NCKAP1: variants seen among roughly 807,000 people sequenced by gnomAD.
The protein encoded by NCKAP1 is nck-associated protein 1.
A neutral mutation model predicts 151.2 loss-of-function variants in NCKAP1; 21 were observed. The ratio of observed to expected loss-of-function variants is 0.14; its 90% CI spans 0.10 to 0.20. The LOEUF (loss-of-function observed/expected upper bound fraction) is 0.20. Among genes scored for constraint, NCKAP1 ranks in the 10% least tolerant of loss-of-function variants. NCKAP1 has a pLI of 1.00. For missense variants in NCKAP1, 933 were observed against 1,352.1 expected (o/e 0.69, Z 4.86); for synonymous variants, 484 against 451.8 (o/e 1.07, Z -0.90).
intron 27 of NCKAP1, among the ~76,000 whole-genome samples, chr2:182,929,708 G>T (rs1389935277): frequency 1.3e-5 from 2 of 150,926 alleles, no homozygotes; most frequent in South Asian, 4.2e-4. Flanking sequence ...AATTATCCAT[G>T]TGACTAAATG....
intron 23 of NCKAP1, among the ~76,000 whole-genome samples, chr2:182,946,723 A>T (rs1452214683): frequency 1.4e-5 from 2 of 141,884 alleles, no homozygotes; most frequent in East Asian, 4.3e-4. Flanking sequence ...GTAAAAAAAT[A>T]AAGGCATAAA....
chr2:182,985,921 A>G (rs1316650671), intron 10 of NCKAP1, among the ~76,000 whole-genome samples: 2 of 152,146 alleles, frequency 1.3e-5, no homozygotes, highest in East Asian at 3.8e-4. Flanking sequence ...ATTATACCCA[A>G]AGTAAGAGTC....
chr2:182,953,259 A>G lies in NCKAP1; in HGVS notation c.2226T>C (p.Ser742=). 1 of 1,613,672 alleles carries G rather than the reference A, an allele frequency of 6.2e-7. No individual in the cohort carries two copies. The highest frequency in any genetic ancestry group is 8.5e-7 in the Non-Finnish European group (1 of 1,179,716). ...EIAKPSELLT[S]VRAYMTVLQS... ...GGAGTACGGTCATGTATGCTCTTAC[A>G]CTTGTTAGAAGTTCTGAAGGTTTTG... The change falls in exon 21 of 31, where the codon AGT becomes AGC. Residue 742 remains serine, a synonymous_variant. Coordinates refer to ENST00000361354, the MANE Select transcript of NCKAP1 (RefSeq NM_013436.5).
At chr2:182,946,559 C>G (rs1476446547) in intron 23 of NCKAP1, among the ~76,000 whole-genome samples, 2 of 151,198 alleles carry the variant, frequency 1.3e-5, no homozygotes, top group African/African-American at 4.9e-5. Flanking sequence ...GCCCATATAA[C>G]AAACCTGCAC....
intron 1 of NCKAP1, among the ~76,000 whole-genome samples, chr2:183,030,580 A>G (rs1236373299): frequency 2.6e-5 from 4 of 152,204 alleles, no homozygotes; most frequent in African/African-American, 9.6e-5. Flanking sequence ...GGAGAAAAAT[A>G]CAAAATGTGG....
In NCKAP1 at chr2:183,038,417, T is replaced by TGGC. The variant is rs879318735; in HGVS notation, c.-321_-319dup. The TGGC allele has an allele frequency of 4.9e-3, 1,011 of 206,406 alleles. 5 individuals carry two copies. The highest frequency in any genetic ancestry group is 0.011 in the Middle Eastern group (6 of 542). 12.8% of individuals were successfully genotyped at this position (206,406 alleles called of 1,614,324 possible). A position where few individuals can be genotyped will look rare whatever the true frequency, so the allele number is the denominator to read the frequency against. On this transcript the variant is annotated 5_prime_UTR_variant, in exon 1 of 31. Coordinates refer to ENST00000361354, the MANE Select transcript of NCKAP1 (RefSeq NM_013436.5). ...CCTTCCCCGGCTGCTCCACTAGGTG[T>TGGC]GGCGGCGGCGGCGGCGGCGGCGGCG...
intron 1 of NCKAP1, among the ~76,000 whole-genome samples, chr2:183,025,269 A>G (rs1020516814): frequency 6.6e-6 from 1 of 152,214 alleles, no homozygotes; most frequent in Non-Finnish European, 1.5e-5. Context: ...ACTTAAAATA[A>G]TACTAGAAAG....
At chr2:182,946,196 G>A (rs536089489) in intron 23 of NCKAP1, among the ~76,000 whole-genome samples, 3 of 152,198 alleles carry the variant, frequency 2.0e-5, no homozygotes, top group Admixed American at 6.5e-5. Context: ...TCAGGAGATC[G>A]AGACCATCCT....
intron 2 of NCKAP1, among the ~76,000 whole-genome samples, chr2:183,005,285 T>C (rs572822879): frequency 1.3e-5 from 2 of 152,326 alleles, no homozygotes; most frequent in East Asian, 3.9e-4. Flanking sequence ...TTAGTTGCCC[T>C]AGTATAATTT....
chr2:183,004,753 G>C (rs937822513), intron 2 of NCKAP1, among the ~76,000 whole-genome samples: 3 of 151,642 alleles, frequency 2.0e-5, no homozygotes, highest in Non-Finnish European at 4.4e-5. Flanking sequence ...GCATGGTGGC[G>C]CATGCCTGTA....
At chr2:182,995,598 A>G (rs1364624198) in intron 7 of NCKAP1, 103 bp downstream of exon 7, 2 of 1,097,602 alleles carry the variant, frequency 1.8e-6, no homozygotes, top group Non-Finnish European at 2.6e-6. Flanking sequence ...ACTTCAACTA[A>G]TAAGCTAATG....
At chr2:183,021,047 C>T (rs1384468784) in intron 2 of NCKAP1, among the ~76,000 whole-genome samples, 3 of 152,234 alleles carry the variant, frequency 2.0e-5, no homozygotes, top group Non-Finnish European at 2.9e-5. Context: ...GTAAATACTA[C>T]AAGTAAGTCA....
intron 10 of NCKAP1, among the ~76,000 whole-genome samples, chr2:182,984,077 C>T (rs1478190223): frequency 6.6e-6 from 1 of 150,388 alleles, no homozygotes; most frequent in Non-Finnish European, 1.5e-5. Context: ...TAACTGTATA[C>T]ATTTTTGTCA....
intron 18 of NCKAP1, among the ~76,000 whole-genome samples, chr2:182,958,917 T>A (rs1697381381): frequency 6.6e-6 from 1 of 152,230 alleles, no homozygotes; most frequent in African/African-American, 2.4e-5. Flanking sequence ...AGATTTAGTA[T>A]AATAAAAACT....
rs796286445 is a variant in NCKAP1 at position 183,029,531 on chromosome 2, C to CA, written c.109-5616dup. ...AGAGATTAAGCAACAATCAAGACAC[C>CA]AAAAAAAAAAGACTGCTCAGTAGCT... is the stretch of plus-strand genomic sequence containing the variant. On this transcript the variant is annotated intron_variant, in intron 1 of 30. Transcript: ENST00000361354. Among the ~76,000 whole-genome samples the CA allele has an allele frequency of 3.7e-3, 534 of 145,716 alleles. 1 individual carries two copies. The highest frequency in any genetic ancestry group is 9.1e-3 in the African/African-American group (362 of 39,842).
intron 2 of NCKAP1, among the ~76,000 whole-genome samples, chr2:183,019,070 TCAA>T (rs774774573): frequency 2.0e-5 from 3 of 152,196 alleles, no homozygotes; most frequent in Non-Finnish European, 4.4e-5. Flanking sequence ...TCAAATTATT[TCAA>T]CAACAGCCTG....
chr2:182,991,081 T>G (rs1698161697), intron 8 of NCKAP1, among the ~76,000 whole-genome samples: 1 of 152,212 alleles, frequency 6.6e-6, no homozygotes, highest in Non-Finnish European at 1.5e-5. Flanking sequence ...GAAATCAGAT[T>G]TCACTTAGTG....
Position 182,948,218 on chromosome 2 carries a change from TTAC to T in NCKAP1, c.2601+4184_2601+4186del, listed in dbSNP as rs576038550. Among the ~76,000 whole-genome samples the T allele has an allele frequency of 1.3e-3, 194 of 152,094 alleles. 2 individuals carry two copies. The highest frequency in any genetic ancestry group is 4.5e-3 in the African/African-American group (185 of 41,540). The stretch of plus-strand genomic sequence containing the variant: ...AAGTAAAAACAAATACCAAAAAATA[TTAC>T]TACAATATTAAATCATTAATAAAAT... On this transcript the variant is annotated intron_variant, in intron 23 of 30. Transcript: ENST00000361354.
chr2:182,970,850 T>C (rs1233051189), intron 15 of NCKAP1, among the ~76,000 whole-genome samples: 1 of 85,580 alleles, frequency 1.2e-5, no homozygotes, highest in Non-Finnish European at 2.2e-5. Flanking sequence ...AAATATGATA[T>C]TATATTTACA....
Sources: allele counts gnomAD v4.1 joint callset (sites outside exome capture counted in the v4.1 genomes callset), GRCh38; gene constraint gnomAD v4.1.1; transcripts MANE v1.5; gene names NCBI Gene and HGNC (gene_info 2026-07-23, HGNC 2026-07-21).